Variants in DMD observed in about 807,000 individuals in gnomAD.
DMD encodes the protein mutant dystrophin.
DMD carries 63 observed loss-of-function variants against 330.1 expected under a neutral mutation model. The ratio of observed to expected loss-of-function variants is 0.19; its 90% CI spans 0.16 to 0.24. DMD has a LOEUF of 0.24. DMD is among the 10% of genes least tolerant of loss of function. DMD has a pLI of 1.00. For missense variants in DMD, 3,344 were observed against 2,684.1 expected (o/e 1.25, Z -5.43); for synonymous variants, 1,223 against 959.8 (o/e 1.27, Z -5.07).
At chrX:32,030,691 T>C (rs925958227) in intron 44 of DMD, among the ~76,000 whole-genome samples, 6 of 111,892 alleles carry the variant, frequency 5.4e-5, no homozygotes, top group East Asian at 5.7e-4. Flanking sequence ...TATTTATAAA[T>C]TGAGGATCAT....
intron 44 of DMD, among the ~76,000 whole-genome samples, chrX:32,177,502 C>T (rs1193963574): frequency 1.8e-5 from 2 of 112,004 alleles, no homozygotes; most frequent in Non-Finnish European, 3.8e-5. Context: ...AAAATTTCCA[C>T]CACCTTCACG....
chrX:32,653,558 T>C (rs1403972373), intron 9 of DMD, among the ~76,000 whole-genome samples: 1 of 112,153 alleles, frequency 8.9e-6, no homozygotes, highest in Admixed American at 9.4e-5. Context: ...TTGGTTACTG[T>C]AGCCTTGTAG....
In DMD at chrX:32,085,606, GTA is replaced by G. The variant is rs1196016604; in HGVS notation, c.6439-117094_6439-117093del. Among the ~76,000 whole-genome samples, 171 of 64,096 alleles carry G rather than the reference GTA, an allele frequency of 2.7e-3. 2 individuals are homozygous for G. Among genetic ancestry groups the G allele is most frequent in the African/African-American group, 0.012 (157 of 12,678 alleles). 55.7% of individuals were successfully genotyped at this position (64,096 alleles called of 115,157 possible). A position where few individuals can be genotyped will look rare whatever the true frequency, so the allele number is the denominator to read the frequency against. On this transcript the variant is annotated intron_variant, in intron 44 of 78. Transcript: ENST00000357033. Reference sequence around the variant, plus strand: ...CACACACACATATATGTATATATGTGTATATATATACGTATATATATACACAT... The same window carrying G: ...CACACACACATATATGTATATATGTGTATATATACGTATATATATACACAT...
chrX:32,792,369 T>A (rs1484695162), intron 7 of DMD, among the ~76,000 whole-genome samples: 1 of 110,663 alleles, frequency 9.0e-6, no homozygotes, highest in African/African-American at 3.3e-5. Context: ...CACTAAAGAA[T>A]ACCATCACAC....
At chrX:32,127,498 A>G (rs1603626505) in intron 44 of DMD, among the ~76,000 whole-genome samples, 1 of 111,231 alleles carries the variant, frequency 9.0e-6, no homozygotes, top group East Asian at 2.8e-4. Flanking sequence ...AGCCCTTTGT[A>G]CTTTTTTACT....
intron 27 of DMD, among the ~76,000 whole-genome samples, chrX:32,442,186 C>T (rs1045030957): frequency 9.1e-6 from 1 of 110,272 alleles, no homozygotes; most frequent in Non-Finnish European, 1.9e-5. Flanking sequence ...TGAATACATT[C>T]GACTACATTA....
Position 31,679,716 on chromosome X carries a change from A to G in DMD, c.7661-130T>C. ...AAAAATTATTCATTGTGTTATGGCT[A>G]GGATGATGAACAACAGGATTCTTTG... On this transcript the variant is annotated intron_variant, in intron 52 of 78. Coordinates refer to ENST00000357033, the MANE Select transcript of DMD (RefSeq NM_004006.3). 3 of 560,580 alleles carry G rather than the reference A, an allele frequency of 5.4e-6. No individual in the cohort carries two copies. The South Asian group carries it at 9.1e-5, about 17-fold the overall frequency. The allele number at this position is 560,580 out of a possible 1,213,427, so 46.2% of individuals were successfully genotyped here.
At chrX:33,098,979 A>G (rs1442886169) in intron 1 of DMD, among the ~76,000 whole-genome samples, 3 of 112,305 alleles carry the variant, frequency 2.7e-5, no homozygotes, top group Non-Finnish European at 5.6e-5. Flanking sequence ...CAAATAAGGA[A>G]GAGGAACAGG....
chrX:33,020,551 G>T (rs1336713122), intron 1 of DMD, among the ~76,000 whole-genome samples: 1 of 111,490 alleles, frequency 9.0e-6, no homozygotes. Flanking sequence ...GCATGCACCT[G>T]TAATCCCAGC....
At chrX:32,658,314 T>C (rs752994995) in intron 9 of DMD, among the ~76,000 whole-genome samples, 1 of 111,378 alleles carries the variant, frequency 9.0e-6, no homozygotes, top group African/African-American at 3.3e-5. Context: ...AATCTTATTC[T>C]TCCTGTTATT....
At chrX:32,369,181 A>G (rs1176469233) in intron 34 of DMD, among the ~76,000 whole-genome samples, 1 of 111,938 alleles carries the variant, frequency 8.9e-6, no homozygotes, top group Non-Finnish European at 1.9e-5. Context: ...CAGTATAAAT[A>G]GTCCAAATAC....
chrX:32,662,403 T>C (rs2061004584), intron 9 of DMD, among the ~76,000 whole-genome samples: 1 of 111,933 alleles, frequency 8.9e-6, no homozygotes, highest in Admixed American at 9.5e-5. Context: ...AGAGAAATCG[T>C]CACAAGTATG....
intron 8 of DMD, 151 bp from the exon 9 acceptor site, chrX:32,698,149 T>G (rs2063793059): frequency 6.5e-6 from 4 of 616,636 alleles, no homozygotes; most frequent in Non-Finnish European, 7.4e-6. Flanking sequence ...TAAATGATAT[T>G]CGAAATTGGT....
chrX:32,616,079 T>C (rs1252395066), intron 11 of DMD, among the ~76,000 whole-genome samples: 2 of 110,972 alleles, frequency 1.8e-5, no homozygotes, highest in African/African-American at 6.5e-5. Flanking sequence ...TGATTTTTTT[T>C]CCTCATAATT....
chrX:32,856,993 T>A (rs1388522216), intron 2 of DMD, among the ~76,000 whole-genome samples: 3 of 108,796 alleles, frequency 2.8e-5, no homozygotes, highest in East Asian at 2.9e-4. Context: ...GAGAACGGCG[T>A]GAACCCGGGA....
At chrX:32,298,217 T>C (rs374544547) in intron 42 of DMD, among the ~76,000 whole-genome samples, 1 of 110,922 alleles carries the variant, frequency 9.0e-6, no homozygotes, top group East Asian at 2.8e-4. Context: ...AACTTGTTAA[T>C]AGACAACTGC....
intron 29 of DMD, among the ~76,000 whole-genome samples, chrX:32,420,799 T>A (rs1410479199): frequency 8.9e-6 from 1 of 111,738 alleles, no homozygotes; most frequent in African/African-American, 3.3e-5. Flanking sequence ...ACAGGTTGCC[T>A]ATGAATAAAA....
intron 29 of DMD, among the ~76,000 whole-genome samples, chrX:32,415,458 A>G (rs1004461869): frequency 8.9e-6 from 1 of 112,072 alleles, no homozygotes; most frequent in Non-Finnish European, 1.9e-5. Flanking sequence ...TAGTCATGGC[A>G]TAAGCTGCCT....
At chrX:32,883,061 C>T (rs184841585) in intron 2 of DMD, among the ~76,000 whole-genome samples, 49 of 111,813 alleles carry the variant, frequency 4.4e-4, no homozygotes, top group African/African-American at 1.5e-3. Context: ...TGCTTGTGAT[C>T]AAGAATGGAT....
Sources: allele counts gnomAD v4.1 joint callset (sites outside exome capture counted in the v4.1 genomes callset), GRCh38; gene constraint gnomAD v4.1.1; transcripts MANE v1.5; gene names NCBI Gene and HGNC (gene_info 2026-07-23, HGNC 2026-07-21).